ANGPT4: variants seen among roughly 807,000 people sequenced by gnomAD.
ANGPT4 encodes the protein angiopoietin 4, also known as angiopoietin-4.
In ANGPT4, 50 loss-of-function variants were observed where a neutral mutation model predicts 53.0. The observed-to-expected ratio is 0.94, with a 90% CI of 0.75 to 1.20. The LOEUF (loss-of-function observed/expected upper bound fraction) is 1.20, where lower values mean the gene tolerates loss of function less well. ANGPT4 is among the 50% of genes most tolerant of loss of function. The pLI, the probability that ANGPT4 is intolerant of heterozygous loss-of-function variation, is 0.00. For synonymous variants in ANGPT4, 251 were observed against 259.7 expected (o/e 0.97, Z 0.32); for missense variants, 648 against 637.1 (o/e 1.02, Z -0.18).
intron 1 of ANGPT4, among the ~76,000 whole-genome samples, chr20:903,961 A>G (rs1173815732): frequency 6.6e-6 from 1 of 152,216 alleles, no homozygotes; most frequent in Admixed American, 6.5e-5. Flanking sequence ...CTGAGGTCCC[A>G]ATCAGGAAAA....
intron 1 of ANGPT4, among the ~76,000 whole-genome samples, chr20:892,077 C>T (rs909729727): frequency 2.0e-5 from 3 of 151,938 alleles, no homozygotes; most frequent in African/African-American, 7.3e-5. Context: ...TTCCCTGCAT[C>T]ATCAGCCCAC....
Position 911,337 on chromosome 20 carries a change from C to T in ANGPT4, c.309+4569G>A, listed in dbSNP as rs538606428. On this transcript the variant is annotated intron_variant, in intron 1 of 8. Coordinates refer to ENST00000381922, the MANE Select transcript of ANGPT4 (RefSeq NM_015985.4). The surrounding 1 kb of genome is among the most constrained non-coding windows in gnomAD (Gnocchi z 4.9). ...GGGAGGCCCCTGCCCAGCCCCTGAC[C>T]CCTCTCTGCTTGGCTTTGGGTGCAG... is the stretch of plus-strand genomic sequence containing the variant. Among the ~76,000 whole-genome samples the T allele has an allele frequency of 4.6e-5, 7 of 152,298 alleles. No individual in the cohort carries two copies. Among genetic ancestry groups the T allele is most frequent in the Non-Finnish European group, 5.9e-5 (4 of 68,014 alleles).
chr20:905,101 T>A (rs928210132), intron 1 of ANGPT4, among the ~76,000 whole-genome samples: 1 of 152,316 alleles, frequency 6.6e-6, no homozygotes. Flanking sequence ...AGCTTCCTTC[T>A]GACTTCTAGG....
At chr20:907,259 C>T (rs1278937618) in intron 1 of ANGPT4, among the ~76,000 whole-genome samples, 2 of 152,234 alleles carry the variant, frequency 1.3e-5, no homozygotes, top group East Asian at 1.9e-4. Context: ...GCTCCTGAGC[C>T]TCACCTTTCA....
intron 1 of ANGPT4, among the ~76,000 whole-genome samples, chr20:900,476 A>T (rs536926826): frequency 6.6e-6 from 1 of 152,206 alleles, no homozygotes; most frequent in Admixed American, 6.5e-5. Context: ...TCCTCTGTGG[A>T]TCCTCTACCT....
In ANGPT4 at chr20:879,851, G is replaced by A; in HGVS notation, c.952-3C>T. The A allele has an allele frequency of 1.2e-6, 2 of 1,610,126 alleles. No individual in the cohort carries two copies. Among genetic ancestry groups the A allele is most frequent in the Non-Finnish European group, 1.7e-6 (2 of 1,177,932 alleles). The stretch of plus-strand genomic sequence containing the variant: ...CTGCTCTGCAGGTCACAGAACACCT[G>A]GAGGGGGTGGGCAAGGCACAGCTGG... On this transcript the variant is annotated splice_region_variant and splice_polypyrimidine_tract_variant and intron_variant, in intron 5 of 8. Transcript: ENST00000381922.
At chr20:883,223 C>A (rs188096204) in intron 4 of ANGPT4, among the ~76,000 whole-genome samples, 1 of 152,346 alleles carries the variant, frequency 6.6e-6, no homozygotes. Flanking sequence ...GACTGCAAAG[C>A]CAGTGCCCTT....
At chr20:899,870 C>T (rs1982221071) in intron 1 of ANGPT4, among the ~76,000 whole-genome samples, 1 of 152,248 alleles carries the variant, frequency 6.6e-6, no homozygotes, top group South Asian at 2.1e-4. Flanking sequence ...CAGCAACTTA[C>T]CTGGGCTGTA....
chr20:880,002 C>T (rs959195145), intron 5 of ANGPT4, among the ~76,000 whole-genome samples, 154 bp from the exon 6 acceptor site: 1 of 152,200 alleles, frequency 6.6e-6, no homozygotes, highest in African/African-American at 2.4e-5. Context: ...GCTTAAATTC[C>T]CCACCCATTG....
At chr20:877,922 C>T (rs1981229223) in intron 7 of ANGPT4, among the ~76,000 whole-genome samples, 1 of 152,220 alleles carries the variant, frequency 6.6e-6, no homozygotes, top group South Asian at 2.1e-4. Context: ...CTTCTTGCTC[C>T]TCGGATGGCA....
At chr20:876,242 G>C (rs1022661577) in intron 7 of ANGPT4, among the ~76,000 whole-genome samples, 2 of 152,086 alleles carry the variant, frequency 1.3e-5, no homozygotes, top group Admixed American at 1.3e-4. Context: ...TACCCTCAGG[G>C]CAGGGCCTGA....
intron 3 of ANGPT4, among the ~76,000 whole-genome samples, chr20:887,054 A>C (rs918673780): frequency 2.0e-5 from 3 of 152,208 alleles, no homozygotes; most frequent in Non-Finnish European, 4.4e-5. Context: ...GAAACTAGGA[A>C]CAGTGGCTAC....
At chr20:903,238 T>C (rs575389487) in intron 1 of ANGPT4, among the ~76,000 whole-genome samples, 7 of 152,350 alleles carry the variant, frequency 4.6e-5, no homozygotes, top group Middle Eastern at 6.8e-3. Context: ...CCAAGGTTTC[T>C]GTGAATGGGG....
intron 8 of ANGPT4, 137 bp downstream of exon 8, chr20:874,147 C>A: frequency 7.5e-7 from 1 of 1,331,690 alleles, no homozygotes; most frequent in Non-Finnish European, 1.0e-6. Flanking sequence ...GCCAGGTGAG[C>A]TTATGGGTGG....
chr20:884,777 CT>C (rs1981543810), intron 4 of ANGPT4, among the ~76,000 whole-genome samples: 1 of 152,136 alleles, frequency 6.6e-6, no homozygotes. Flanking sequence ...GGAGACCAAA[CT>C]TGTCAGTCTG....
chr20:881,841 T>A (rs1248172114), intron 4 of ANGPT4, among the ~76,000 whole-genome samples: 1 of 152,084 alleles, frequency 6.6e-6, no homozygotes, highest in Non-Finnish European at 1.5e-5. Flanking sequence ...CTGGAGGGGA[T>A]GAGACTCAAA....
chr20:897,775 C>A (rs1000465265), intron 1 of ANGPT4, among the ~76,000 whole-genome samples: 3 of 152,180 alleles, frequency 2.0e-5, no homozygotes, highest in African/African-American at 4.8e-5. Flanking sequence ...TGTGGTCAAC[C>A]TTCCACCCTG....
chr20:879,796 C>G lies in ANGPT4; in HGVS notation c.1004G>C (p.Arg335Pro), dbSNP rs770189937. ...SGGRWTLIQRRENGTVNFQRN... is the reference protein window; with the variant it reads ...SGGRWTLIQRPENGTVNFQRN... ...CTGAAAATTCACGGTGCCATTCTCA[C>G]GGCGCTGGATGAGGGTCCACCTGCC... The change falls in exon 6 of 9, where the codon CGT becomes CCT. Residue 335 changes from arginine to proline, a missense_variant. Physicochemically the swap from Arg to Pro is moderately radical, Grantham distance 103. Coordinates refer to ENST00000381922, the MANE Select transcript of ANGPT4 (RefSeq NM_015985.4). 2 of 1,613,642 alleles carry G rather than the reference C, an allele frequency of 1.2e-6. No individual in the cohort carries two copies. The highest frequency in any genetic ancestry group is 1.7e-6 in the Non-Finnish European group (2 of 1,179,826).
In ANGPT4 at chr20:908,179, A is replaced by G. The variant is rs1050828350; in HGVS notation, c.309+7727T>C. Among the ~76,000 whole-genome samples, 2 of 152,140 alleles carry G rather than the reference A, an allele frequency of 1.3e-5. No homozygotes were observed. Among genetic ancestry groups the G allele is most frequent in the African/African-American group, 4.8e-5 (2 of 41,426 alleles). ...GAGAATGATCCTCAGTGAGGACAGG[A>G]CAGAAAAGTGGCCACATCTCTTCCC... On this transcript the variant is annotated intron_variant, in intron 1 of 8. Transcript: ENST00000381922. This position sits in a 1 kb window ranked among gnomAD's most constrained non-coding sequence, Gnocchi z 4.9.
Sources: allele counts gnomAD v4.1 joint callset (sites outside exome capture counted in the v4.1 genomes callset), GRCh38; gene constraint gnomAD v4.1.1; non-coding constraint Gnocchi (gnomAD v3.1); transcripts MANE v1.5; gene names NCBI Gene and HGNC (gene_info 2026-07-23, HGNC 2026-07-21).